The following HERC1 variants were observed in gnomAD, a reference collection of about 807,000 sequenced individuals.
HERC1 encodes the protein HECT and RLD domain containing E3 ubiquitin protein ligase family member 1, also known as probable E3 ubiquitin-protein ligase HERC1.
Under a neutral mutation model 554.3 loss-of-function variants are expected in HERC1, and 160 were observed. The observed-to-expected ratio is 0.29, with a 90% CI of 0.25 to 0.33. The LOEUF (loss-of-function observed/expected upper bound fraction) is 0.33. HERC1 is among the 10% of genes least tolerant of loss of function. The pLI, the probability that HERC1 is intolerant of heterozygous loss-of-function variation, is 1.00. For missense variants in HERC1, 4,919 were observed against 5,918.5 expected, an observed-to-expected ratio of 0.83 and a Z score of 5.54; for synonymous variants, 2,175 against 2,131.7, an observed-to-expected ratio of 1.02 and a Z score of -0.56.
intron 14 of HERC1, among the ~76,000 whole-genome samples, chr15:63,730,787 T>C (rs2074257672): frequency 6.6e-6 from 1 of 152,230 alleles, no homozygotes; most frequent in African/African-American, 2.4e-5. Context: ...CAAATTTGGC[T>C]GAAGAGCACA....
intron 4 of HERC1, among the ~76,000 whole-genome samples, chr15:63,757,917 C>T (rs1353470061): frequency 6.6e-6 from 1 of 151,574 alleles, no homozygotes; most frequent in Non-Finnish European, 1.5e-5. Context: ...ACCATATTGG[C>T]CAGGCTGGTC....
intron 1 of HERC1, among the ~76,000 whole-genome samples, chr15:63,791,870 T>C (rs2076663983): frequency 6.6e-6 from 1 of 152,200 alleles, no homozygotes; most frequent in African/African-American, 2.4e-5. Flanking sequence ...TAAATAATTA[T>C]CTGTTGGCAG....
chr15:63,654,391 A>T, intron 50 of HERC1, 67 bp from the exon 51 acceptor site: 1 of 1,191,148 alleles, frequency 8.4e-7, no homozygotes, highest in Non-Finnish European at 1.2e-6. Context: ...TAAACAAAAC[A>T]TGAAATGATG....
chr15:63,678,071 T>C lies in HERC1; in HGVS notation c.6844A>G (p.Lys2282Glu). 6.2e-7 allele frequency: 1 copy of C among 1,614,066 alleles called. No homozygotes were observed. The change falls in exon 37 of 78, where the codon AAA becomes GAA. Residue 2282 changes from lysine (K) to glutamate (E), a missense_variant. Coordinates refer to ENST00000443617, the MANE Select transcript of HERC1 (RefSeq NM_003922.4). ...EKESKEEEKG[K>E]HTRHGLADLS... ...TCAGCGAGGCCATGCCTAGTATGTT[T>C]ACCTTTCTCTTCCTCTTTGCTCTCC...
chr15:63,700,366 TATATC>T (rs1158031312), intron 25 of HERC1, among the ~76,000 whole-genome samples: 1 of 152,072 alleles, frequency 6.6e-6, no homozygotes, highest in Non-Finnish European at 1.5e-5. Flanking sequence ...GCATAAAAAT[TATATC>T]AGTTATGTAA....
At chr15:63,782,480 G>GA (rs2076316135) in intron 1 of HERC1, among the ~76,000 whole-genome samples, 1 of 152,110 alleles carries the variant, frequency 6.6e-6, no homozygotes, top group South Asian at 2.1e-4. Flanking sequence ...CTACAGCTCA[G>GA]AAAAAAGCTT....
At chr15:63,685,212 A>G (rs1341283479) in intron 34 of HERC1, among the ~76,000 whole-genome samples, 3 of 152,214 alleles carry the variant, frequency 2.0e-5, no homozygotes, top group Non-Finnish European at 4.4e-5. Flanking sequence ...ATGTCACAGA[A>G]AACAAAATCC....
chr15:63,624,645 G>A (rs1160750182), intron 71 of HERC1, among the ~76,000 whole-genome samples: 1 of 152,198 alleles, frequency 6.6e-6, no homozygotes, highest in Non-Finnish European at 1.5e-5. Context: ...GCAGTGAGCT[G>A]AGATAATGCT....
chr15:63,691,946 C>T (rs1451069786), intron 31 of HERC1, among the ~76,000 whole-genome samples: 4 of 152,164 alleles, frequency 2.6e-5, no homozygotes, highest in Admixed American at 2.0e-4. Context: ...TGTAAGCAGA[C>T]ATTTTAGGGT....
chr15:63,672,730 G>T lies in HERC1; in HGVS notation c.7847-36C>A, dbSNP rs368821370. On this transcript the variant is annotated intron_variant, in intron 38 of 77. Transcript: ENST00000443617. Reference sequence around the variant, plus strand: ...AAAAAAAGGTTAAGAAAGTAGTAAGGATTTGTTTTTTCAAAAATAACAGCG... The same window carrying T: ...AAAAAAAGGTTAAGAAAGTAGTAAGTATTTGTTTTTTCAAAAATAACAGCG... The T allele has an allele frequency of 1.4e-4, 199 of 1,424,604 alleles. 1 individual carries two copies. The African/African-American group carries it at 2.7e-3, about 19-fold the overall frequency. The allele number at this position is 1,424,604 out of a possible 1,614,324, so 88.2% of individuals were successfully genotyped here. A position where few individuals can be genotyped will look rare whatever the true frequency, so the allele number is the denominator to read the frequency against.
chr15:63,786,409 C>T (rs1161168091), intron 1 of HERC1, among the ~76,000 whole-genome samples: 2 of 151,998 alleles, frequency 1.3e-5, no homozygotes, highest in African/African-American at 4.8e-5. Context: ...GATCTATACC[C>T]AAGTGAACTG....
intron 25 of HERC1, among the ~76,000 whole-genome samples, chr15:63,701,331 G>C (rs1369253281): frequency 2.6e-5 from 4 of 152,050 alleles, no homozygotes; most frequent in Non-Finnish European, 5.9e-5. Flanking sequence ...CCTATATAAA[G>C]GTTCAATTAT....
intron 1 of HERC1, among the ~76,000 whole-genome samples, chr15:63,809,223 CAAAAAATAAA>C (rs555419737): frequency 1.4e-3 from 214 of 152,080 alleles, no homozygotes; most frequent in African/African-American, 4.8e-3. Context: ...ACCTCTTCAT[CAAAAAATAAA>C]CAAAAATAAA....
In HERC1 at chr15:63,678,024, C is replaced by G. The variant is rs2071292563; in HGVS notation, c.6891G>C (p.Arg2297Ser). ...GLADLSELQLRTLCIEVWPVL... is the reference protein window; with the variant it reads ...GLADLSELQLSTLCIEVWPVL... ...CGGGCCACACCTCTATGCAAAGAGT[C>G]CTCAGCTGCAGCTCTGAGAGGTCAG... is the stretch of plus-strand genomic sequence containing the variant. Residue 2297 changes from arginine to serine, a missense_variant, in exon 37 of 78, where the codon AGG becomes AGC. Transcript: ENST00000443617. 6.2e-7 allele frequency: 1 copy of G among 1,613,980 alleles called. No homozygotes were observed. Among genetic ancestry groups the G allele is most frequent in the Non-Finnish European group, 8.5e-7 (1 of 1,179,892 alleles).
chr15:63,645,691 G>A lies in HERC1; in HGVS notation c.10879-9C>T, dbSNP rs1409800994. 1.3e-6 allele frequency: 2 copies of A among 1,484,330 alleles called. No homozygotes were observed. Among genetic ancestry groups the A allele is most frequent in the Non-Finnish European group, 1.8e-6 (2 of 1,105,938 alleles). The allele number at this position is 1,484,330 out of a possible 1,614,324, so 91.9% of individuals were successfully genotyped here. On this transcript the variant is annotated splice_polypyrimidine_tract_variant and intron_variant, in intron 55 of 77. Coordinates refer to ENST00000443617, the MANE Select transcript of HERC1 (RefSeq NM_003922.4). ...ATGCTAATAAGAGTATCCTTAAAAT[G>A]GAAGGAAGAGAAAAAAAATCAGAGT...
intron 73 of HERC1, 61 bp from the exon 74 acceptor site, chr15:63,622,952 C>A: frequency 1.0e-6 from 1 of 995,238 alleles, no homozygotes; most frequent in Non-Finnish European, 1.5e-6. Flanking sequence ...AGAGAACAAA[C>A]CAATTACAAG....
intron 68 of HERC1, chr15:63,632,412 G>C (rs1277720237): frequency 4.7e-6 from 2 of 425,760 alleles, no homozygotes; most frequent in Non-Finnish European, 8.7e-6. Flanking sequence ...GGTCAAGGCA[G>C]TATTTGTGGC....
At chr15:63,690,474 G>A in intron 32 of HERC1, 67 bp downstream of exon 32, 1 of 991,160 alleles carries the variant, frequency 1.0e-6, no homozygotes, top group Non-Finnish European at 1.6e-6. Context: ...AGACTGTTAA[G>A]TACAGATTTG....
intron 3 of HERC1, among the ~76,000 whole-genome samples, chr15:63,763,771 G>C (rs75685587): frequency 0.017 from 2,638 of 152,122 alleles, 75 homozygotes; most frequent in African/African-American, 0.061. Flanking sequence ...GTACATATTA[G>C]AAGGGTATTT....
Sources: gnomAD v4.1 joint callset for allele counts (sites outside exome capture counted in the v4.1 genomes callset) on GRCh38, gnomAD v4.1.1 for gene constraint, MANE v1.5 for transcripts, NCBI Gene and HGNC (gene_info 2026-07-23, HGNC 2026-07-21) for gene names.